The following IQSEC1 variants were observed in gnomAD, a reference collection of about 807,000 sequenced individuals.
The protein encoded by IQSEC1 is IQ motif and Sec7 domain ArfGEF 1.
In IQSEC1, 31 loss-of-function variants were observed where a neutral mutation model predicts 91.0. The observed-to-expected ratio is 0.34, with a 90% CI of 0.26 to 0.46. The LOEUF is 0.46. Ranked by LOEUF, IQSEC1 falls within the 20% of genes least tolerant of loss-of-function variation. The pLI, the probability that IQSEC1 is intolerant of heterozygous loss-of-function variation, is 1.00. For synonymous variants in IQSEC1, 699 were observed against 662.6 expected, an observed-to-expected ratio of 1.05 and a Z score of -0.84; for missense variants, 1,388 against 1,575.6, an observed-to-expected ratio of 0.88 and a Z score of 2.02.
chr3:13,194,772 G>A (rs1409128065), intron 1 of IQSEC1, among the ~76,000 whole-genome samples: 1 of 152,096 alleles, frequency 6.6e-6, no homozygotes, highest in Non-Finnish European at 1.5e-5. Flanking sequence ...AGGGAATTAC[G>A]GCACCGAGGG....
intron 1 of IQSEC1, among the ~76,000 whole-genome samples, chr3:13,245,428 G>C (rs901961360): frequency 6.6e-6 from 1 of 152,200 alleles, no homozygotes; most frequent in African/African-American, 2.4e-5. Flanking sequence ...TGGAAAAAAG[G>C]GCTCCACCTC....
intron 1 of IQSEC1, among the ~76,000 whole-genome samples, chr3:13,255,928 T>C (rs932556807): frequency 5.3e-5 from 8 of 152,134 alleles, no homozygotes; most frequent in African/African-American, 1.9e-4. Context: ...TCCAGAGATA[T>C]TTTTGTTGTC....
At chr3:13,015,333 G>A (rs1029983444) in intron 1 of IQSEC1, among the ~76,000 whole-genome samples, 2 of 152,216 alleles carry the variant, frequency 1.3e-5, no homozygotes, top group African/African-American at 4.8e-5. Context: ...AACGCGCAGG[G>A]GAGCTAAAGA....
chr3:12,977,693 G>A (rs1002671703), intron 1 of IQSEC1, among the ~76,000 whole-genome samples: 5 of 152,188 alleles, frequency 3.3e-5, no homozygotes, highest in African/African-American at 7.2e-5. Flanking sequence ...GAATAGATAC[G>A]TTCATTTATA....
chr3:12,946,196 GC>G (rs1266396509), intron 1 of IQSEC1, among the ~76,000 whole-genome samples: 5 of 152,224 alleles, frequency 3.3e-5, no homozygotes, highest in African/African-American at 1.2e-4. Context: ...CTATATCCCT[GC>G]CCCGACCTCT....
intron 1 of IQSEC1, among the ~76,000 whole-genome samples, chr3:13,016,026 G>C (rs1189720794): frequency 6.6e-6 from 1 of 152,188 alleles, no homozygotes; most frequent in Non-Finnish European, 1.5e-5. Flanking sequence ...GCAGCATAAA[G>C]TAGTGTGACA....
In IQSEC1 at chr3:12,924,685, G is replaced by A. The variant is rs550832223; in HGVS notation, c.1626C>T (p.Pro542=). ...GCAGCAGGAAGTGGGCCACCCCGACGGGCGTGTCGGGCACAAAGCCACGCT... is the reference window on the plus strand; with the variant it reads ...GCAGCAGGAAGTGGGCCACCCCGACAGGCGTGTCGGGCACAAAGCCACGCT... ...LIERGFVPDT[P]VGVAHFLLQR... The change falls in exon 4 of 14, where the codon CCC becomes CCT. Residue 542 remains proline, a synonymous_variant. Transcript: ENST00000613206. The surrounding 1 kb of genome is among the most constrained non-coding windows in gnomAD (Gnocchi z 6.3). 3.6e-5 allele frequency: 58 copies of A among 1,608,734 alleles called. 1 individual carries two copies. The South Asian group carries it at 4.3e-4, about 12-fold the overall frequency.
At chr3:13,009,037 T>C (rs914162258) in intron 1 of IQSEC1, among the ~76,000 whole-genome samples, 2 of 152,214 alleles carry the variant, frequency 1.3e-5, no homozygotes, top group Admixed American at 1.3e-4. Context: ...GACAGCCCTT[T>C]TCCTCTCCAG....
rs1437945743 is a variant in IQSEC1, at chr3:13,008,980, T to C, written c.23+64012A>G. Among the ~76,000 whole-genome samples, 1 of 152,188 alleles carries C rather than the reference T, an allele frequency of 6.6e-6. No homozygotes were observed. The highest frequency in any genetic ancestry group is 1.5e-5 in the Non-Finnish European group (1 of 68,040). The stretch of plus-strand genomic sequence containing the variant: ...GTGAAGTGACTTGCACAAGGCCACA[T>C]GGCTTGTATGCTGCAGAGCTGGGTC... On this transcript the variant is annotated intron_variant, in intron 1 of 13. Transcript: ENST00000613206. The surrounding 1 kb of genome is among the most constrained non-coding windows in gnomAD (Gnocchi z 4.1).
At chr3:13,262,500 G>GAGT (rs950316634) in intron 1 of IQSEC1, among the ~76,000 whole-genome samples, 1 of 152,082 alleles carries the variant, frequency 6.6e-6, no homozygotes, top group Admixed American at 6.5e-5. Context: ...CGCTAGGACG[G>GAGT]AGTTCGTAGA....
At chr3:13,032,923 T>C (rs904141359) in intron 1 of IQSEC1, among the ~76,000 whole-genome samples, 1 of 152,246 alleles carries the variant, frequency 6.6e-6, no homozygotes, top group East Asian at 1.9e-4. Flanking sequence ...TCTGTTCACA[T>C]GTCCCCGTCA....
intron 1 of IQSEC1, among the ~76,000 whole-genome samples, chr3:13,237,916 C>T (rs1038743574): frequency 2.0e-5 from 3 of 152,226 alleles, no homozygotes; most frequent in East Asian, 3.9e-4. Context: ...GAGGTCACTC[C>T]CTGTGGAGGC....
At chr3:13,106,943 C>T (rs917022107) in intron 2 of IQSEC1, among the ~76,000 whole-genome samples, 1 of 152,214 alleles carries the variant, frequency 6.6e-6, no homozygotes, top group African/African-American at 2.4e-5. Flanking sequence ...AGTTAACCAA[C>T]TGTGCAGATT....
In IQSEC1 at chr3:12,935,157, G is replaced by C. The variant is rs1040294269; in HGVS notation, c.1568+291C>G. Among the ~76,000 whole-genome samples, 5 of 152,340 alleles carry C rather than the reference G, an allele frequency of 3.3e-5. No homozygotes were observed. Among genetic ancestry groups the C allele is most frequent in the East Asian group, 1.9e-4 (1 of 5,178 alleles). ...ACCCCACTTGCTATGGCGGACTTGG[G>C]GGGGATGGGACGGAAGGGCCCGGGA... is the stretch of plus-strand genomic sequence containing the variant. On this transcript the variant is annotated intron_variant, in intron 3 of 13. Coordinates refer to ENST00000613206, the MANE Select transcript of IQSEC1 (RefSeq NM_001134382.3). The surrounding 1 kb of genome is among the most constrained non-coding windows in gnomAD (Gnocchi z 8.0).
intron 1 of IQSEC1, among the ~76,000 whole-genome samples, chr3:13,200,495 G>A (rs1055042752): frequency 3.3e-5 from 5 of 152,206 alleles, no homozygotes; most frequent in Admixed American, 6.5e-5. Context: ...AACCTGAAAA[G>A]GGGACTTCCA....
At position 13,162,068 on chromosome 3, in the gene IQSEC1, C is replaced by CGGGTGG. The variant is rs577837488; in HGVS notation, c.302+2030_302+2035dup. ...TGATCCGCTGGAGTGAACACCAGGC[C>CGGGTGG]GGGTGGGGCTGGGGCAGACCAGATC... On this transcript the variant is annotated intron_variant, in intron 2 of 15. Transcript: ENST00000648114. Among the ~76,000 whole-genome samples, 734 of 152,306 alleles carry CGGGTGG rather than the reference C, an allele frequency of 4.8e-3. 6 individuals are homozygous for CGGGTGG. Among genetic ancestry groups the CGGGTGG allele is most frequent in the African/African-American group, 0.016 (681 of 41,562 alleles).
chr3:12,898,185 C>CT lies in IQSEC1; in HGVS notation c.*2797dup. On this transcript the variant is annotated 3_prime_UTR_variant, in exon 14 of 14. Coordinates refer to ENST00000613206, the MANE Select transcript of IQSEC1 (RefSeq NM_001134382.3). Reference sequence around the variant, plus strand: ...ATGACAGGACCCCGAAGCTGTGGCTCTGACAGGTGGGATCTCTAAAGGGGA... The same window carrying CT: ...ATGACAGGACCCCGAAGCTGTGGCTCTTGACAGGTGGGATCTCTAAAGGGGA... 6.6e-6 allele frequency: 1 copy of CT among 152,376 alleles called. No homozygotes were observed. Among genetic ancestry groups the CT allele is most frequent in the South Asian group, 2.1e-4 (1 of 4,828 alleles). The allele number at this position is 152,376 out of a possible 1,614,324, so 9.4% of individuals were successfully genotyped here. A position where few individuals can be genotyped will look rare whatever the true frequency, so the allele number is the denominator to read the frequency against.
In IQSEC1 at chr3:12,920,524, G is replaced by A; in HGVS notation, c.1926C>T (p.Ala642=). Residue 642 remains alanine, a synonymous_variant, in exon 6 of 14, where the codon GCC becomes GCT. Transcript: ENST00000613206. ...FRNPDTIFIL[A]FAIILLNTDM... The stretch of plus-strand genomic sequence containing the variant: ...CGGTGTTCAGCAGGATGATGGCGAA[G>A]GCCAGGATGAAAATGGTGTCTGGGT... 1 of 1,614,242 alleles carries A rather than the reference G, an allele frequency of 6.2e-7. No individual in the cohort carries two copies. The highest frequency in any genetic ancestry group is 1.1e-5 in the South Asian group (1 of 91,090).
At chr3:12,955,131 A>C (rs1166675991) in intron 1 of IQSEC1, among the ~76,000 whole-genome samples, 3 of 152,194 alleles carry the variant, frequency 2.0e-5, no homozygotes, top group Non-Finnish European at 4.4e-5. Context: ...GAGACACCAA[A>C]CCACTATGGA....
Sources: allele counts gnomAD v4.1 joint callset (sites outside exome capture counted in the v4.1 genomes callset), GRCh38; gene constraint gnomAD v4.1.1; non-coding constraint Gnocchi (gnomAD v3.1); transcripts MANE v1.5; gene names NCBI Gene and HGNC (gene_info 2026-07-23, HGNC 2026-07-21).